Variants in SP100 observed in about 807,000 individuals in gnomAD.
SP100 encodes SP100 nuclear body protein.
SP100 carries 84 observed loss-of-function variants against 130.0 expected under a neutral mutation model. The observed-to-expected ratio is 0.65, with a 90% CI of 0.54 to 0.77. The LOEUF is 0.77. Ranked by LOEUF, SP100 falls within the 30% of genes least tolerant of loss-of-function variation. The pLI is 0.00. For synonymous variants in SP100, 331 were observed against 351.7 expected, an observed-to-expected ratio of 0.94 and a Z score of 0.66; for missense variants, 978 against 1,052.2, an observed-to-expected ratio of 0.93 and a Z score of 0.97.
chr2:230,440,824 T>C (rs1358369381), intron 2 of SP100, among the ~76,000 whole-genome samples: 1 of 152,104 alleles, frequency 6.6e-6, no homozygotes, highest in Non-Finnish European at 1.5e-5. Flanking sequence ...GGTAGACAAA[T>C]AGATCAATGG....
intron 26 of SP100, 119 bp from the exon 27 acceptor site, chr2:230,541,182 A>G: frequency 8.2e-7 from 1 of 1,220,148 alleles, no homozygotes; most frequent in South Asian, 1.4e-5. Context: ...GAAACTCCCC[A>G]TGCCATGTTT....
intron 18 of SP100, 73 bp from the exon 19 acceptor site, chr2:230,498,388 A>G: frequency 1.2e-6 from 1 of 853,476 alleles, no homozygotes; most frequent in Non-Finnish European, 1.7e-6. Flanking sequence ...GCTAAATAAA[A>G]TTTTTGAAAG....
chr2:230,476,856 T>C (rs757495608), intron 17 of SP100, among the ~76,000 whole-genome samples: 11 of 152,094 alleles, frequency 7.2e-5, no homozygotes, highest in Non-Finnish European at 1.6e-4. Context: ...TGTTTCTTTG[T>C]TTTGTTTTGT....
intron 24 of SP100, among the ~76,000 whole-genome samples, chr2:230,537,371 T>G (rs1016908757): frequency 2.6e-5 from 4 of 152,186 alleles, no homozygotes; most frequent in African/African-American, 4.8e-5. Context: ...TAGCAAGATC[T>G]AGATCAATCC....
chr2:230,461,302 T>A lies in SP100; in HGVS notation c.861T>A (p.Asn287Lys). 1 of 1,614,134 alleles carries A rather than the reference T, an allele frequency of 6.2e-7. No individual in the cohort carries two copies. Residue 287 changes from asparagine to lysine, a missense_variant, in exon 9 of 29, where the codon AAT becomes AAA. Coordinates refer to ENST00000340126, the MANE Select transcript of SP100 (RefSeq NM_001080391.2). ...TACACAACCATGGAATCCAAATTAA[T>A]TCCTGTTCTGTGCGACTGGTGGATA... Reference protein sequence around the residue: ...AELHNHGIQINSCSVRLVDIK... With the variant: ...AELHNHGIQIKSCSVRLVDIK...
intron 2 of SP100, among the ~76,000 whole-genome samples, chr2:230,440,079 C>T (rs2063422811): frequency 6.6e-6 from 1 of 152,062 alleles, no homozygotes; most frequent in Non-Finnish European, 1.5e-5. Context: ...AATGGTGCTG[C>T]TAAGTGCTTC....
chr2:230,429,515 C>T (rs2063037801), intron 2 of SP100, among the ~76,000 whole-genome samples: 1 of 152,188 alleles, frequency 6.6e-6, no homozygotes, highest in Non-Finnish European at 1.5e-5. Flanking sequence ...TGGAAAGTTT[C>T]CAGCCATTAC....
At chr2:230,480,860 G>A (rs897226558) in intron 17 of SP100, among the ~76,000 whole-genome samples, 21 of 152,202 alleles carry the variant, frequency 1.4e-4, no homozygotes, top group African/African-American at 4.6e-4. Flanking sequence ...TGGCATGACC[G>A]TGATCAGGTG....
chr2:230,534,008 T>C (rs1052604396), intron 24 of SP100, among the ~76,000 whole-genome samples: 2 of 152,210 alleles, frequency 1.3e-5, no homozygotes, highest in African/African-American at 4.8e-5. Flanking sequence ...TATTTACCTT[T>C]TGAATAACTA....
chr2:230,438,785 G>C (rs1056753737), intron 2 of SP100, among the ~76,000 whole-genome samples: 5 of 151,640 alleles, frequency 3.3e-5, no homozygotes, highest in African/African-American at 1.2e-4. Context: ...ATTTAGGCTT[G>C]TTCCACATTT....
intron 22 of SP100, among the ~76,000 whole-genome samples, chr2:230,507,701 A>G (rs1377479259): frequency 2.6e-5 from 4 of 152,216 alleles, no homozygotes; most frequent in Admixed American, 2.6e-4. Context: ...GGCATTCTAC[A>G]TATATAGAAA....
chr2:230,542,991 C>A lies in SP100; in HGVS notation c.*45C>A, dbSNP rs763724541. On this transcript the variant is annotated 3_prime_UTR_variant, in exon 29 of 29. Coordinates refer to ENST00000340126, the MANE Select transcript of SP100 (RefSeq NM_001080391.2). Reference sequence around the variant, plus strand: ...TCAGATCCTCTGGCAGCTAGCTACGCAATGTGCCTGTGGTCCCACTAATCT... The same window carrying A: ...TCAGATCCTCTGGCAGCTAGCTACGAAATGTGCCTGTGGTCCCACTAATCT... 10 of 1,105,672 alleles carry A rather than the reference C, an allele frequency of 9.0e-6. No individual in the cohort carries two copies. The Admixed American group carries it at 1.8e-4, about 19-fold the overall frequency. 68.5% of individuals were successfully genotyped at this position (1,105,672 alleles called of 1,614,324 possible).
chr2:230,501,706 C>A lies in SP100; in HGVS notation c.1721-1360C>A, dbSNP rs989904487. ...GGACCCAAATCCACACCCTATGATA[C>A]CAGCCATGGGCACAGAATAATGGGC... On this transcript the variant is annotated intron_variant, in intron 19 of 28. Transcript: ENST00000340126. 2.6e-5 allele frequency among the ~76,000 whole-genome samples: 4 copies of A among 152,158 alleles called. No individual in the cohort carries two copies. The South Asian group carries it at 6.2e-4, about 24-fold the overall frequency.
rs57983447 is a variant in SP100 at position 230,466,184 on chromosome 2, C to CAAAAAAAAAA, written c.1142-107_1142-98dup. The CAAAAAAAAAA allele has an allele frequency of 1.4e-3, 350 of 257,992 alleles. 5 individuals carry two copies. Among genetic ancestry groups the CAAAAAAAAAA allele is most frequent in the South Asian group, 2.8e-3 (62 of 22,484 alleles). 16.0% of individuals were successfully genotyped at this position (257,992 alleles called of 1,614,324 possible). ...TGGGTGATAGAACAAGACTCCATCT[C>CAAAAAAAAAA]AAAAAAAAAAAAAAAAAAACTTTGT... On this transcript the variant is annotated intron_variant, in intron 11 of 28. Transcript: ENST00000340126.
intron 7 of SP100, among the ~76,000 whole-genome samples, chr2:230,449,961 A>G (rs1575627926): frequency 6.6e-6 from 1 of 152,222 alleles, no homozygotes; most frequent in Admixed American, 6.5e-5. Flanking sequence ...CTCACCAAAG[A>G]AGAGAGACAA....
At chr2:230,529,453 C>A (rs186030821) in intron 24 of SP100, among the ~76,000 whole-genome samples, 1 of 152,278 alleles carries the variant, frequency 6.6e-6, no homozygotes, top group South Asian at 2.1e-4. Flanking sequence ...CTATTTATGA[C>A]AAACCCACAG....
chr2:230,443,070 C>T lies in SP100; in HGVS notation c.241C>T (p.Arg81Cys), dbSNP rs1472834401. Residue 81 changes from arginine to cysteine, a missense_variant, in exon 3 of 29, where the codon CGT (arginine) becomes TGT (cysteine). Coordinates refer to ENST00000340126, the MANE Select transcript of SP100 (RefSeq NM_001080391.2). ...TCCATTCCTCGAGGGCCTCCGTGATCGTGATCTCATCACAAATAAAATGTT... is the reference window on the plus strand; with the variant it reads ...TCCATTCCTCGAGGGCCTCCGTGATTGTGATCTCATCACAAATAAAATGTT... ...TFPFLEGLRD[R>C]DLITNKMFED... is the part of the protein sequence containing the mutation. 23 of 1,614,030 alleles carry T rather than the reference C, an allele frequency of 1.4e-5. No individual in the cohort carries two copies. The highest frequency in any genetic ancestry group is 2.2e-5 in the East Asian group (1 of 44,886).
At chr2:230,474,539 C>A in intron 17 of SP100, 92 bp downstream of exon 17, 1 of 697,198 alleles carries the variant, frequency 1.4e-6, no homozygotes, top group East Asian at 2.9e-5. Flanking sequence ...CTTTTTTCAA[C>A]TTTTATTATA....
chr2:230,436,241 CTGAG>C (rs780370217), intron 2 of SP100, among the ~76,000 whole-genome samples: 39 of 152,132 alleles, frequency 2.6e-4, no homozygotes, highest in Middle Eastern at 6.8e-3. Flanking sequence ...GCTATTGAGT[CTGAG>C]TATTTTTTTC....
Sources: allele counts gnomAD v4.1 joint callset (sites outside exome capture counted in the v4.1 genomes callset), GRCh38; gene constraint gnomAD v4.1.1; transcripts MANE v1.5; gene names NCBI Gene and HGNC (gene_info 2026-07-23, HGNC 2026-07-21).